Variants in SLFN12 observed in about 807,000 individuals in gnomAD.
SLFN12 encodes schlafen family member 12, also known as ribonuclease SLFN12.
A neutral mutation model predicts 29.1 loss-of-function variants in SLFN12; 25 were observed. The observed-to-expected ratio is 0.86, with a 90% CI of 0.63 to 1.20. The LOEUF (loss-of-function observed/expected upper bound fraction) is 1.20. Among genes scored for constraint, SLFN12 ranks in the 50% most tolerant of loss-of-function variants. The pLI, the probability that SLFN12 is intolerant of heterozygous loss-of-function variation, is 0.00. For synonymous variants in SLFN12, 257 were observed against 238.7 expected, an observed-to-expected ratio of 1.08 and a Z score of -0.71; for missense variants, 660 against 666.2, an observed-to-expected ratio of 0.99 and a Z score of 0.10.
At chr17:35,415,029 G>A (rs1398084313) in intron 3 of SLFN12, among the ~76,000 whole-genome samples, 1 of 151,830 alleles carries the variant, frequency 6.6e-6, no homozygotes, top group Admixed American at 6.6e-5. Flanking sequence ...AATTTATATG[G>A]CACCAAAAAA....
chr17:35,427,850 T>A (rs565907104), intron 1 of SLFN12, among the ~76,000 whole-genome samples: 2 of 152,248 alleles, frequency 1.3e-5, no homozygotes, highest in Admixed American at 1.3e-4. Flanking sequence ...ACAGTCTAAT[T>A]TTCATTGAGT....
rs917174039 is a variant in SLFN12, at chr17:35,422,046, C to T, written c.983G>A (p.Arg328His). The change falls in exon 2 of 4, where the codon CGT (arginine) becomes CAT (histidine). Residue 328 changes from arginine (R) to histidine (H), a missense_variant. Physicochemically the swap from Arg to His is conservative, Grantham distance 29 (BLOSUM62 0). Transcript: ENST00000304905. ...EPDSWHVKDN[R>H]VMQLTRKEWI... ...TTCCTTCCTGGTCAACTGCATCACA[C>T]GGTTATCTTTCACATGCCAGGAATC... The T allele has an allele frequency of 5.0e-6, 8 of 1,613,938 alleles. No individual in the cohort carries two copies. In the African/African-American group the frequency reaches 8.0e-5, roughly 16 times the overall value.
Position 35,422,663 on chromosome 17 carries a change from C to G in SLFN12, c.366G>C (p.Leu122Phe). 6.2e-7 allele frequency: 1 copy of G among 1,613,852 alleles called. No homozygotes were observed. The change falls in exon 2 of 4, where the codon TTG becomes TTC. Residue 122 changes from leucine (L) to phenylalanine (F), a missense_variant. Physicochemically the swap from Leu to Phe is conservative, Grantham distance 22. Coordinates refer to ENST00000304905, the MANE Select transcript of SLFN12 (RefSeq NM_018042.5). ...TATCTCTTTTGTACAAATTGGAGCT[C>G]AAGGTGGTAATCCGCAGACCAGAGG... ...LNTSGLRITT[L>F]SSNLYKRDIT...
rs369117382 is a variant in SLFN12, at chr17:35,411,465, G to C, written c.1610C>G (p.Ala537Gly). Residue 537 changes from alanine (A) to glycine (G), a missense_variant, in exon 4 of 4, where the codon GCC (alanine) becomes GGC (glycine). Physicochemically the swap from Ala to Gly is moderately conservative, Grantham distance 60 (BLOSUM62 0). Transcript: ENST00000304905. ...RKYLLKALFKALKRLKSLRDQ... is the reference protein window; with the variant it reads ...RKYLLKALFKGLKRLKSLRDQ... ...TCTCAGAGACTTGAGTCTCTTTAAG[G>C]CTTTAAAAAGGGCTTTCAGCAAGTA... The C allele has an allele frequency of 5.0e-6, 8 of 1,613,732 alleles. No individual in the cohort carries two copies. The highest frequency in any genetic ancestry group is 2.2e-5 in the East Asian group (1 of 44,888).
chr17:35,415,932 G>A (rs1911286130), intron 3 of SLFN12, among the ~76,000 whole-genome samples: 1 of 152,176 alleles, frequency 6.6e-6, no homozygotes, highest in Non-Finnish European at 1.5e-5. Context: ...TACAACCACT[G>A]TGGAAAAATG....
intron 3 of SLFN12, among the ~76,000 whole-genome samples, chr17:35,413,787 T>C (rs1240129216): frequency 6.6e-6 from 1 of 150,418 alleles, no homozygotes; most frequent in East Asian, 1.9e-4. Flanking sequence ...TCATTCATCA[T>C]AATAAGTGGG....
chr17:35,421,839 C>T (rs1429741682), intron 2 of SLFN12, 151 bp downstream of exon 2: 8 of 1,156,702 alleles, frequency 6.9e-6, no homozygotes, highest in Admixed American at 5.8e-5. Context: ...CGCGCCTGGC[C>T]GAGGCAGGGA....
chr17:35,427,521 T>C (rs1912080490), intron 1 of SLFN12, among the ~76,000 whole-genome samples: 3 of 152,180 alleles, frequency 2.0e-5, no homozygotes, highest in Admixed American at 2.0e-4. Context: ...GTATTTCTAT[T>C]ATTTCACATT....
In SLFN12 at chr17:35,421,988, A is replaced by G. The variant is rs771820408; in HGVS notation, c.1039+2T>C. The stretch of plus-strand genomic sequence containing the variant: ...TCCTGTTGCGAATCCCCCGCTCTCA[A>G]CTTGGTTCAGCCTCCACCATGAACT... On this transcript the variant is annotated splice_donor_variant, in intron 2 of 3. Transcript: ENST00000304905. LOFTEE classifies it high-confidence loss of function. The G allele has an allele frequency of 1.2e-6, 2 of 1,611,320 alleles. No homozygotes were observed. The highest frequency in any genetic ancestry group is 2.2e-5 in the South Asian group (2 of 90,962).
intron 3 of SLFN12, 121 bp from the exon 4 acceptor site, chr17:35,412,048 A>G: frequency 2.9e-6 from 2 of 692,702 alleles, no homozygotes; most frequent in Non-Finnish European, 4.4e-6. Flanking sequence ...GTTGTATAAA[A>G]TATATTCAAA....
intron 1 of SLFN12, among the ~76,000 whole-genome samples, chr17:35,426,002 G>C (rs1053143161): frequency 6.6e-6 from 1 of 150,990 alleles, no homozygotes; most frequent in African/African-American, 2.4e-5. Flanking sequence ...ACATGTGTGA[G>C]GTGATTTCTC....
chr17:35,425,818 T>TTTTTCTTTCC (rs1911979199), intron 1 of SLFN12, among the ~76,000 whole-genome samples: 1 of 140,144 alleles, frequency 7.1e-6, no homozygotes, highest in Non-Finnish European at 1.6e-5. Flanking sequence ...ATGGTGGTTC[T>TTTTTCTTTCC]TTTTCTTTTC....
chr17:35,421,209 A>T (rs1378766036), intron 2 of SLFN12, among the ~76,000 whole-genome samples: 2 of 140,238 alleles, frequency 1.4e-5, no homozygotes, highest in South Asian at 2.4e-4. Flanking sequence ...ACTCCGTCTC[A>T]AAATAAATAA....
chr17:35,411,392 A>G lies in SLFN12; in HGVS notation c.1683T>C (p.Asp561=), dbSNP rs777837852. Residue 561 remains aspartate (D), a synonymous_variant, in exon 4 of 4, where the codon GAT becomes GAC. Coordinates refer to ENST00000304905, the MANE Select transcript of SLFN12 (RefSeq NM_018042.5). ...AENLYQIIGI[D]CFQKNDKKMF... Reference sequence around the variant, plus strand: ...TCTTTTTATCATTCTTCTGAAAGCAATCTATACCGATTATCTGGTATAGAT... The same window carrying G: ...TCTTTTTATCATTCTTCTGAAAGCAGTCTATACCGATTATCTGGTATAGAT... 98 of 1,596,790 alleles carry G rather than the reference A, an allele frequency of 6.1e-5. No individual in the cohort carries two copies. The South Asian group carries it at 1.0e-3, about 17-fold the overall frequency.
At chr17:35,416,215 G>A (rs545626523) in intron 3 of SLFN12, among the ~76,000 whole-genome samples, 1 of 152,218 alleles carries the variant, frequency 6.6e-6, no homozygotes, top group African/African-American at 2.4e-5. Context: ...AACCTGAATG[G>A]GGTGGGAACC....
intron 3 of SLFN12, among the ~76,000 whole-genome samples, chr17:35,413,949 A>C (rs963465693): frequency 6.6e-6 from 1 of 151,992 alleles, no homozygotes; most frequent in African/African-American, 2.4e-5. Flanking sequence ...ATTTAAAAAA[A>C]CCTCTTAACC....
intron 3 of SLFN12, among the ~76,000 whole-genome samples, chr17:35,418,240 G>A (rs1047061019): frequency 2.0e-5 from 3 of 152,056 alleles, no homozygotes; most frequent in Non-Finnish European, 4.4e-5. Flanking sequence ...TTTGATCAAG[G>A]AAACATAATA....
chr17:35,422,920 TCA>T lies in SLFN12; in HGVS notation c.107_108del (p.Leu36GlnfsTer6). 6.2e-7 allele frequency: 1 copy of T among 1,613,996 alleles called. No individual in the cohort carries two copies. ...GAGACACTTTCATTCTGCTTTTTTC[TCA>T]GTTTACAATCCTTCATTTTTTTCCT... ...NSRKKMKDCK[L>X]RKKQNESVSR... On this transcript the variant is annotated frameshift_variant, in exon 2 of 4. Transcript: ENST00000304905. LOFTEE classifies it high-confidence loss of function.
At position 35,422,107 on chromosome 17, in the gene SLFN12, C is replaced by T. The variant is rs761129234; in HGVS notation, c.922G>A (p.Glu308Lys). The T allele has an allele frequency of 6.2e-7, 1 of 1,613,998 alleles. No individual in the cohort carries two copies. Among genetic ancestry groups the T allele is most frequent in the East Asian group, 2.2e-5 (1 of 44,902 alleles). ...LCGYVCALRV[E>K]RFCCAVFAKE... ...GCAAACACTGCACAGCAGAAGCGCT[C>T]CACTCTGAGTGCACAGACATATCCA... Residue 308 changes from glutamate (E) to lysine (K), a missense_variant, in exon 2 of 4, where the codon GAG (glutamate) becomes AAG (lysine). Glu to Lys is a moderately conservative substitution (Grantham distance 56). Transcript: ENST00000304905.
Sources: allele counts gnomAD v4.1 joint callset (sites outside exome capture counted in the v4.1 genomes callset), GRCh38; gene constraint gnomAD v4.1.1; transcripts MANE v1.5; gene names NCBI Gene and HGNC (gene_info 2026-07-23, HGNC 2026-07-21).